PTPRD: variants seen among roughly 807,000 people sequenced by gnomAD.
PTPRD encodes the protein receptor-type tyrosine-protein phosphatase delta.
PTPRD carries 34 observed loss-of-function variants against 214.5 expected under a neutral mutation model. The observed-to-expected ratio is 0.16, with a 90% CI of 0.12 to 0.21. PTPRD has a LOEUF of 0.21. Ranked by LOEUF, PTPRD falls within the 10% of genes least tolerant of loss-of-function variation. The probability of loss-of-function intolerance (pLI) is 1.00; values close to 1 mark genes in which losing one functional copy is unlikely to be tolerated. For synonymous variants in PTPRD, 1,128 were observed against 845.7 expected (o/e 1.33, Z -5.79); for missense variants, 2,545 against 2,398.7 (o/e 1.06, Z -1.27).
chr9:10,487,702 G>T (rs554523792), intron 2 of PTPRD, among the ~76,000 whole-genome samples: 3 of 152,090 alleles, frequency 2.0e-5, no homozygotes, highest in Admixed American at 6.5e-5. Flanking sequence ...GGGCCTGTTG[G>T]GGGGTGGAGG....
chr9:9,376,174 G>A (rs1189519307), intron 9 of PTPRD, among the ~76,000 whole-genome samples: 1 of 152,042 alleles, frequency 6.6e-6, no homozygotes, highest in Non-Finnish European at 1.5e-5. Context: ...TTTGTGTTGA[G>A]TGTATGGGCT....
At chr9:9,918,900 A>C (rs1462178938) in intron 5 of PTPRD, among the ~76,000 whole-genome samples, 1 of 152,092 alleles carries the variant, frequency 6.6e-6, no homozygotes, top group Non-Finnish European at 1.5e-5. Context: ...ATCAATTCAA[A>C]ATTAATCAAT....
intron 4 of PTPRD, among the ~76,000 whole-genome samples, chr9:9,997,446 T>C (rs868676064): frequency 6.6e-6 from 1 of 152,052 alleles, no homozygotes; most frequent in Non-Finnish European, 1.5e-5. Flanking sequence ...TGTGCCATGA[T>C]GCCCAGCTAA....
At chr9:9,379,374 C>G (rs974415158) in intron 9 of PTPRD, among the ~76,000 whole-genome samples, 2 of 151,704 alleles carry the variant, frequency 1.3e-5, no homozygotes, top group Admixed American at 1.3e-4. Flanking sequence ...TCTGGGCTCT[C>G]TATTCCATAA....
intron 8 of PTPRD, among the ~76,000 whole-genome samples, chr9:9,398,731 G>GT (rs1005227840): frequency 2.0e-4 from 30 of 151,922 alleles, no homozygotes; most frequent in Middle Eastern, 3.4e-3. Flanking sequence ...TAAAAAACAT[G>GT]TTTTTTCCCC....
intron 9 of PTPRD, among the ~76,000 whole-genome samples, chr9:9,296,779 C>T (rs530746351): frequency 3.3e-5 from 5 of 151,760 alleles, no homozygotes; most frequent in South Asian, 4.1e-4. Context: ...AAGGGACTTA[C>T]GTAGATGAAT....
chr9:8,975,395 T>C (rs2099262727), intron 11 of PTPRD, among the ~76,000 whole-genome samples: 1 of 152,110 alleles, frequency 6.6e-6, no homozygotes, highest in Admixed American at 6.6e-5. Context: ...GTGAAGCTGG[T>C]AATATATTAT....
intron 2 of PTPRD, among the ~76,000 whole-genome samples, chr9:10,610,386 T>A (rs2080643070): frequency 6.6e-6 from 1 of 152,164 alleles, no homozygotes; most frequent in African/African-American, 2.4e-5. Context: ...AATGCACAAA[T>A]CTGTCATGTC....
rs1001054317 is a variant in PTPRD at position 8,605,270 on chromosome 9, G to A, written c.352+28047C>T. 5.3e-5 allele frequency among the ~76,000 whole-genome samples: 8 copies of A among 152,164 alleles called. No homozygotes were observed. The East Asian group carries it at 5.8e-4, about 11-fold the overall frequency. Reference sequence around the variant, plus strand: ...ACCTGACAATTTAATATTTATGTAAGCTGCAAGTGCTAAGCATAATTGGAC... The same window carrying A: ...ACCTGACAATTTAATATTTATGTAAACTGCAAGTGCTAAGCATAATTGGAC... On this transcript the variant is annotated intron_variant, in intron 14 of 45. Coordinates refer to ENST00000381196, the MANE Select transcript of PTPRD (RefSeq NM_002839.4).
At chr9:9,955,237 A>G (rs1242629062) in intron 4 of PTPRD, among the ~76,000 whole-genome samples, 1 of 152,196 alleles carries the variant, frequency 6.6e-6, no homozygotes, top group Admixed American at 6.5e-5. Flanking sequence ...CAAATGAATA[A>G]TGCATGAATG....
At chr9:10,569,501 G>A (rs1300582759) in intron 2 of PTPRD, among the ~76,000 whole-genome samples, 3 of 150,276 alleles carry the variant, frequency 2.0e-5, no homozygotes, top group African/African-American at 4.9e-5. Flanking sequence ...TTGTGTATAT[G>A]CATGTCTCTC....
At chr9:8,565,128 C>T (rs537177081) in intron 14 of PTPRD, among the ~76,000 whole-genome samples, 27 of 151,642 alleles carry the variant, frequency 1.8e-4, no homozygotes, top group African/African-American at 5.1e-4. Context: ...GCTCCCTGCT[C>T]GTGGAGTTTC....
At chr9:10,156,092 G>A (rs2099091194) in intron 3 of PTPRD, among the ~76,000 whole-genome samples, 1 of 145,290 alleles carries the variant, frequency 6.9e-6, no homozygotes, top group African/African-American at 2.6e-5. Flanking sequence ...GTGTGTGTGT[G>A]TGTGTGTGTG....
intron 8 of PTPRD, among the ~76,000 whole-genome samples, chr9:9,485,302 G>A (rs922549072): frequency 8.5e-5 from 13 of 152,136 alleles, no homozygotes; most frequent in Non-Finnish European, 1.8e-4. Flanking sequence ...TCTCTAAATA[G>A]AAATAGGTTT....
chr9:10,305,346 G>A (rs1429922201), intron 3 of PTPRD, among the ~76,000 whole-genome samples: 2 of 148,246 alleles, frequency 1.3e-5, no homozygotes, highest in South Asian at 2.1e-4. Context: ...CATAGGCATG[G>A]GCAAAGACTT....
At chr9:9,860,060 C>T (rs1429691657) in intron 5 of PTPRD, among the ~76,000 whole-genome samples, 1 of 152,154 alleles carries the variant, frequency 6.6e-6, no homozygotes, top group Non-Finnish European at 1.5e-5. Flanking sequence ...TGTTTAGTAA[C>T]ATATATGCAC....
intron 14 of PTPRD, among the ~76,000 whole-genome samples, chr9:8,621,497 T>A (rs2095823754): frequency 1.3e-5 from 2 of 151,966 alleles, no homozygotes; most frequent in South Asian, 4.1e-4. Context: ...AAAACCCCAG[T>A]CCTACTGGGC....
intron 5 of PTPRD, among the ~76,000 whole-genome samples, chr9:9,900,641 G>GTGTTTTTTTTTTT (rs1555302232): frequency 1.6e-4 from 19 of 120,100 alleles, no homozygotes; most frequent in African/African-American, 5.9e-4. Context: ...ACATTTTCAG[G>GTGTTTTTTTTTTT]TTTTTTTTTT....
chr9:8,747,367 G>A (rs1598598234), intron 11 of PTPRD, among the ~76,000 whole-genome samples: 1 of 152,054 alleles, frequency 6.6e-6, no homozygotes, highest in Admixed American at 6.6e-5. Context: ...TGGAAAGAAA[G>A]GGAATTCCTA....
Sources: allele counts gnomAD v4.1 joint callset (sites outside exome capture counted in the v4.1 genomes callset), GRCh38; gene constraint gnomAD v4.1.1; transcripts MANE v1.5; gene names NCBI Gene and HGNC (gene_info 2026-07-23, HGNC 2026-07-21).